Variants in GRID1 observed in about 807,000 individuals in gnomAD.
GRID1 encodes the protein glutamate ionotropic receptor delta type subunit 1, also known as glutamate receptor ionotropic, delta-1.
In GRID1, 28 loss-of-function variants were observed where a neutral mutation model predicts 98.0. The ratio of observed to expected loss-of-function variants is 0.29; its 90% CI spans 0.21 to 0.39. GRID1 has a LOEUF of 0.39. Among genes scored for constraint, GRID1 ranks in the 10% least tolerant of loss-of-function variants. GRID1 has a pLI of 1.00. For synonymous variants in GRID1, 553 were observed against 538.5 expected (o/e 1.03, Z -0.37); for missense variants, 1,111 against 1,340.5 (o/e 0.83, Z 2.67).
chr10:85,742,848 C>T (rs894074864), intron 8 of GRID1, among the ~76,000 whole-genome samples: 7 of 152,182 alleles, frequency 4.6e-5, no homozygotes, highest in African/African-American at 1.7e-4. Context: ...CATACAGTGT[C>T]TGCTTAGTTC....
At chr10:85,889,339 C>T (rs1273847026) in intron 5 of GRID1, among the ~76,000 whole-genome samples, 1 of 152,172 alleles carries the variant, frequency 6.6e-6, no homozygotes, top group East Asian at 1.9e-4. Flanking sequence ...TCTCCCCTTA[C>T]CCCTCTCCTC....
intron 3 of GRID1, among the ~76,000 whole-genome samples, chr10:86,177,590 G>A (rs1370192186): frequency 1.3e-5 from 2 of 151,982 alleles, no homozygotes; most frequent in Non-Finnish European, 2.9e-5. Flanking sequence ...ATGAGACAGA[G>A]ACAGTGTGTG....
chr10:85,638,864 A>C (rs1055798543), intron 13 of GRID1, among the ~76,000 whole-genome samples: 2 of 152,240 alleles, frequency 1.3e-5, no homozygotes, highest in African/African-American at 4.8e-5. Flanking sequence ...AGAGAAGCAA[A>C]TTAAAATAAT....
chr10:86,293,316 G>A (rs1032523579), intron 2 of GRID1, among the ~76,000 whole-genome samples: 1 of 152,060 alleles, frequency 6.6e-6, no homozygotes, highest in African/African-American at 2.4e-5. Flanking sequence ...GTCTTTCCCT[G>A]GCCCAGGCAT....
intron 2 of GRID1, among the ~76,000 whole-genome samples, chr10:86,253,932 T>C (rs1183126674): frequency 3.3e-5 from 5 of 152,110 alleles, no homozygotes; most frequent in Non-Finnish European, 5.9e-5. Flanking sequence ...TTCCCCTCCA[T>C]CTGGGACAGG....
chr10:85,939,474 GA>G (rs1378750726), intron 4 of GRID1, among the ~76,000 whole-genome samples: 2 of 152,148 alleles, frequency 1.3e-5, no homozygotes, highest in Admixed American at 1.3e-4. Flanking sequence ...CCCTAGGATA[GA>G]GTGTGCTTCT....
chr10:85,981,708 G>A (rs1369063745), intron 4 of GRID1, among the ~76,000 whole-genome samples: 5 of 152,084 alleles, frequency 3.3e-5, no homozygotes, highest in African/African-American at 9.7e-5. Context: ...TCAGTGGGTC[G>A]TTCATTCACT....
At chr10:85,889,310 T>A (rs933108272) in intron 5 of GRID1, among the ~76,000 whole-genome samples, 7 of 152,292 alleles carry the variant, frequency 4.6e-5, no homozygotes, top group African/African-American at 1.4e-4. Context: ...TTTTGTAACA[T>A]TCACCAACTT....
At chr10:85,736,394 T>C (rs945540137) in intron 8 of GRID1, among the ~76,000 whole-genome samples, 1 of 152,078 alleles carries the variant, frequency 6.6e-6, no homozygotes, top group Non-Finnish European at 1.5e-5. Context: ...AACAAGACAA[T>C]GGATCAATAA....
chr10:85,877,061 G>A (rs569441724), intron 5 of GRID1, among the ~76,000 whole-genome samples: 7 of 152,346 alleles, frequency 4.6e-5, no homozygotes, highest in Admixed American at 2.0e-4. Context: ...GGGGAGGGGC[G>A]CCTGCCATTG....
intron 8 of GRID1, among the ~76,000 whole-genome samples, chr10:85,801,367 C>T (rs1842575448): frequency 6.6e-6 from 1 of 151,692 alleles, no homozygotes; most frequent in African/African-American, 2.4e-5. Flanking sequence ...TCTTATAAAT[C>T]CACTATAATT....
chr10:85,777,741 C>A (rs1216604118), intron 8 of GRID1, among the ~76,000 whole-genome samples: 1 of 152,158 alleles, frequency 6.6e-6, no homozygotes, highest in African/African-American at 2.4e-5. Context: ...TGGGACTCTC[C>A]CAGTTTTCGC....
intron 4 of GRID1, among the ~76,000 whole-genome samples, chr10:85,921,855 G>A (rs966878573): frequency 3.3e-5 from 5 of 152,162 alleles, no homozygotes; most frequent in Admixed American, 6.5e-5. Context: ...CAAGGGCGAC[G>A]AGAGCTTGCT....
intron 12 of GRID1, among the ~76,000 whole-genome samples, chr10:85,685,120 T>C (rs570788597): frequency 6.6e-6 from 1 of 152,306 alleles, no homozygotes; most frequent in African/African-American, 2.4e-5. Context: ...GATAAAATGC[T>C]AAAGATTGTA....
At chr10:86,242,469 C>T (rs1042292124) in intron 2 of GRID1, among the ~76,000 whole-genome samples, 1 of 152,236 alleles carries the variant, frequency 6.6e-6, no homozygotes, top group African/African-American at 2.4e-5. Flanking sequence ...CTTGACGTAT[C>T]CTGAGCTGCC....
At chr10:86,174,055 A>T (rs1845535657) in intron 3 of GRID1, among the ~76,000 whole-genome samples, 1 of 152,158 alleles carries the variant, frequency 6.6e-6, no homozygotes, top group African/African-American at 2.4e-5. Flanking sequence ...ATGTGTCTTT[A>T]TAGCAGCATG....
At chr10:85,846,116 C>T (rs1843002778) in intron 8 of GRID1, among the ~76,000 whole-genome samples, 1 of 152,152 alleles carries the variant, frequency 6.6e-6, no homozygotes, top group Admixed American at 6.5e-5. Flanking sequence ...GGTTACACTT[C>T]AGTTTATATT....
chr10:86,158,552 A>G (rs907227669), intron 3 of GRID1, among the ~76,000 whole-genome samples: 1 of 152,194 alleles, frequency 6.6e-6, no homozygotes, highest in South Asian at 2.1e-4. Flanking sequence ...GGGCTCCCAG[A>G]CCAAAACAAG....
intron 14 of GRID1, among the ~76,000 whole-genome samples, chr10:85,615,705 C>T (rs577370161): frequency 2.0e-5 from 3 of 152,190 alleles, no homozygotes; most frequent in Non-Finnish European, 2.9e-5. Flanking sequence ...ACTGGACAGC[C>T]GCAGTGTTGC....
Sources: gnomAD v4.1 joint callset for allele counts (sites outside exome capture counted in the v4.1 genomes callset) on GRCh38, gnomAD v4.1.1 for gene constraint, MANE v1.5 for transcripts, NCBI Gene and HGNC (gene_info 2026-07-23, HGNC 2026-07-21) for gene names.